CADM2: variants seen among roughly 807,000 people sequenced by gnomAD.
CADM2 encodes cell adhesion molecule 2.
Under a neutral mutation model 49.8 loss-of-function variants are expected in CADM2, and 12 were observed. That is an observed-to-expected ratio of 0.24 (90% CI 0.15 to 0.39). The LOEUF is 0.39. Among genes scored for constraint, CADM2 ranks in the 10% least tolerant of loss-of-function variants. The pLI, the probability that CADM2 is intolerant of heterozygous loss-of-function variation, is 1.00. For synonymous variants in CADM2, 214 were observed against 175.4 expected, an observed-to-expected ratio of 1.22 and a Z score of -1.74; for missense variants, 378 against 492.3, an observed-to-expected ratio of 0.77 and a Z score of 2.20.
intron 1 of CADM2, among the ~76,000 whole-genome samples, chr3:85,244,620 T>C (rs1317041972): frequency 6.6e-6 from 1 of 152,176 alleles, no homozygotes; most frequent in Non-Finnish European, 1.5e-5. Flanking sequence ...TTTAGAGCAA[T>C]AGCGTAAGTA....
chr3:85,340,767 A>T (rs547137846), intron 1 of CADM2, among the ~76,000 whole-genome samples: 3 of 151,650 alleles, frequency 2.0e-5, no homozygotes, highest in Admixed American at 6.6e-5. Flanking sequence ...TTCTTGTTTA[A>T]AAGCTCATCC....
intron 1 of CADM2, among the ~76,000 whole-genome samples, chr3:85,435,829 C>G (rs2036902006): frequency 6.6e-6 from 1 of 152,004 alleles, no homozygotes; most frequent in African/African-American, 2.4e-5. Context: ...TGAGAAGTGC[C>G]TGTTCGCTTC....
intron 2 of CADM2, among the ~76,000 whole-genome samples, chr3:85,793,807 T>C (rs980200722): frequency 2.0e-5 from 3 of 152,222 alleles, no homozygotes; most frequent in Non-Finnish European, 4.4e-5. Flanking sequence ...AGTTGTTTAG[T>C]CAGAATTGAA....
At chr3:85,510,804 C>A (rs1484428248) in intron 1 of CADM2, among the ~76,000 whole-genome samples, 1 of 151,882 alleles carries the variant, frequency 6.6e-6, no homozygotes, top group African/African-American at 2.4e-5. Context: ...GTTTCTACTT[C>A]ATATGTAATA....
At position 85,532,684 on chromosome 3, in the gene CADM2, G is replaced by A. The variant is rs200976270; in HGVS notation, c.62-193838G>A. On this transcript the variant is annotated intron_variant, in intron 1 of 9. Transcript: ENST00000383699. ...GTATGTACCCAAAGGACTATAAATCGTTCTATTATAAAGATAAATGCATGC... is the reference window on the plus strand; with the variant it reads ...GTATGTACCCAAAGGACTATAAATCATTCTATTATAAAGATAAATGCATGC... 2.4e-3 allele frequency among the ~76,000 whole-genome samples: 360 copies of A among 152,144 alleles called. 4 individuals carry two copies. Among genetic ancestry groups the A allele is most frequent in the African/African-American group, 7.5e-3 (313 of 41,500 alleles).
chr3:85,344,853 A>G (rs1335722590), intron 1 of CADM2, among the ~76,000 whole-genome samples: 1 of 152,168 alleles, frequency 6.6e-6, no homozygotes, highest in Non-Finnish European at 1.5e-5. Flanking sequence ...TAAGAAAGCC[A>G]TAATTATACA....
chr3:85,584,300 A>G (rs980637520), intron 1 of CADM2, among the ~76,000 whole-genome samples: 4 of 152,072 alleles, frequency 2.6e-5, no homozygotes, highest in Non-Finnish European at 4.4e-5. Context: ...AGCATTCTGT[A>G]TATTTCAGTC....
At chr3:85,080,282 A>C (rs1487798816) in intron 1 of CADM2, among the ~76,000 whole-genome samples, 1 of 152,002 alleles carries the variant, frequency 6.6e-6, no homozygotes, top group Non-Finnish European at 1.5e-5. Context: ...ATTTTATGTG[A>C]GTATTTCACT....
At chr3:85,087,751 T>C (rs1261514197) in intron 1 of CADM2, among the ~76,000 whole-genome samples, 1 of 152,182 alleles carries the variant, frequency 6.6e-6, no homozygotes, top group African/African-American at 2.4e-5. Flanking sequence ...AATAAAACTA[T>C]TCATCATTTT....
intron 2 of CADM2, among the ~76,000 whole-genome samples, chr3:85,753,422 G>A (rs562399915): frequency 6.6e-6 from 1 of 152,140 alleles, no homozygotes; most frequent in South Asian, 2.1e-4. Context: ...GAAGAAATAG[G>A]CAGACACCAG....
At chr3:85,735,888 T>G (rs2068113188) in intron 2 of CADM2, among the ~76,000 whole-genome samples, 1 of 152,128 alleles carries the variant, frequency 6.6e-6, no homozygotes, top group Admixed American at 6.6e-5. Context: ...AGCATTCATG[T>G]GAAGATGATA....
chr3:86,049,658 TG>T (rs369250454), intron 8 of CADM2, among the ~76,000 whole-genome samples: 204 of 152,072 alleles, frequency 1.3e-3, no homozygotes, highest in Admixed American at 2.2e-3. Flanking sequence ...GCTTCTGGCA[TG>T]GGGGGCAGGC....
chr3:85,616,402 G>A (rs2063801836), intron 1 of CADM2, among the ~76,000 whole-genome samples: 1 of 152,018 alleles, frequency 6.6e-6, no homozygotes, highest in African/African-American at 2.4e-5. Flanking sequence ...TAAAGCTATT[G>A]AAATATGTGT....
intron 3 of CADM2, among the ~76,000 whole-genome samples, chr3:85,822,416 T>G (rs1385635937): frequency 6.6e-6 from 1 of 152,016 alleles, no homozygotes; most frequent in African/African-American, 2.4e-5. Flanking sequence ...AAACCCCGTC[T>G]TTACTAAAAA....
chr3:85,670,047 T>C (rs531584709), intron 1 of CADM2, among the ~76,000 whole-genome samples: 1 of 152,174 alleles, frequency 6.6e-6, no homozygotes, highest in African/African-American at 2.4e-5. Context: ...TATCTGTAAA[T>C]TGAAAAAAAT....
chr3:85,758,181 T>A (rs1011471314), intron 2 of CADM2, among the ~76,000 whole-genome samples: 5 of 152,100 alleles, frequency 3.3e-5, no homozygotes, highest in African/African-American at 1.2e-4. Flanking sequence ...TGTCACATAA[T>A]TTGTTGGTAG....
At chr3:85,946,430 T>C (rs1464294682) in intron 7 of CADM2, among the ~76,000 whole-genome samples, 1 of 151,986 alleles carries the variant, frequency 6.6e-6, no homozygotes, top group Non-Finnish European at 1.5e-5. Context: ...AAAAAACTAC[T>C]TTAAAGTTCA....
chr3:85,661,646 A>G (rs1273609397), intron 1 of CADM2, among the ~76,000 whole-genome samples: 1 of 151,934 alleles, frequency 6.6e-6, no homozygotes, highest in Non-Finnish European at 1.5e-5. Flanking sequence ...TTTCATCTCA[A>G]CTTTATATAA....
In CADM2 at chr3:85,783,528, T is replaced by C. The variant is rs367639600; in HGVS notation, c.89-18519T>C. Among the ~76,000 whole-genome samples, 14 of 152,250 alleles carry C rather than the reference T, an allele frequency of 9.2e-5. No individual in the cohort carries two copies. In the East Asian group the frequency reaches 9.7e-4, roughly 11 times the overall value. ...TCAGCAGCTTGCTGGCCCAAGTCAG[T>C]AGGGAGAGTTGACGCTTATCAACCC... On this transcript the variant is annotated intron_variant, in intron 2 of 9. Transcript: ENST00000383699.
Sources: gnomAD v4.1 joint callset for allele counts (sites outside exome capture counted in the v4.1 genomes callset) on GRCh38, gnomAD v4.1.1 for gene constraint, MANE v1.5 for transcripts, NCBI Gene and HGNC (gene_info 2026-07-23, HGNC 2026-07-21) for gene names.